Variants in SPECC1 observed in about 807,000 individuals in gnomAD.
SPECC1 encodes cytospin-B.
In SPECC1, 62 loss-of-function variants were observed where a neutral mutation model predicts 104.1. That is an observed-to-expected ratio of 0.60 (90% CI 0.49 to 0.74). The LOEUF (loss-of-function observed/expected upper bound fraction) is 0.74. Among genes scored for constraint, SPECC1 ranks in the 30% least tolerant of loss-of-function variants. SPECC1 has a pLI of 0.00. For synonymous variants in SPECC1, 513 were observed against 501.6 expected, an observed-to-expected ratio of 1.02 and a Z score of -0.30; for missense variants, 1,306 against 1,310.5, an observed-to-expected ratio of 1.00 and a Z score of 0.05.
At chr17:20,092,897 C>T (rs1460828446) in intron 1 of SPECC1, among the ~76,000 whole-genome samples, 1 of 152,102 alleles carries the variant, frequency 6.6e-6, no homozygotes, top group East Asian at 1.9e-4. Flanking sequence ...TGATCTATAG[C>T]CTTGGTGCTC....
chr17:20,227,283 T>G, intron 4 of SPECC1, 130 bp from the exon 5 acceptor site: 1 of 754,940 alleles, frequency 1.3e-6, no homozygotes, highest in Non-Finnish European at 2.2e-6. Context: ...TATTTTAGAT[T>G]GAAGAGGTTC....
intron 12 of SPECC1, among the ~76,000 whole-genome samples, chr17:20,296,706 G>T (rs1199350536): frequency 6.6e-6 from 1 of 152,166 alleles, no homozygotes; most frequent in Non-Finnish European, 1.5e-5. Context: ...TTGAGCAGTT[G>T]TTTGTAGTTC....
intron 1 of SPECC1, among the ~76,000 whole-genome samples, chr17:20,062,995 G>A (rs867219849): frequency 4.6e-5 from 7 of 151,958 alleles, no homozygotes; most frequent in Non-Finnish European, 8.8e-5. Context: ...GCCAAGAAAC[G>A]CATTCTTATA....
chr17:20,077,932 C>T (rs988244081), intron 1 of SPECC1, among the ~76,000 whole-genome samples: 1 of 151,840 alleles, frequency 6.6e-6, no homozygotes, highest in Non-Finnish European at 1.5e-5. Context: ...ATAATAGTTT[C>T]TATTCCATAG....
At chr17:20,244,215 C>T (rs1036062650) in intron 7 of SPECC1, among the ~76,000 whole-genome samples, 4 of 152,072 alleles carry the variant, frequency 2.6e-5, no homozygotes, top group Admixed American at 2.0e-4. Flanking sequence ...GGCGACAGAG[C>T]GAGACTCTGT....
At chr17:20,124,164 T>C (rs1370307232) in intron 3 of SPECC1, among the ~76,000 whole-genome samples, 2 of 150,540 alleles carry the variant, frequency 1.3e-5, no homozygotes, top group Admixed American at 1.3e-4. Flanking sequence ...GATGTGTAGA[T>C]GGCAACAGGG....
At position 20,315,167 on chromosome 17, in the gene SPECC1, G is replaced by T. The variant is rs1391993566; in HGVS notation, c.*1102G>T. The T allele has an allele frequency of 4.3e-6, 1 of 232,976 alleles. No homozygotes were observed. Among genetic ancestry groups the T allele is most frequent in the Non-Finnish European group, 8.5e-6 (1 of 117,992 alleles). 14.4% of individuals were successfully genotyped at this position (232,976 alleles called of 1,614,324 possible). On this transcript the variant is annotated 3_prime_UTR_variant, in exon 15 of 15. Coordinates refer to ENST00000395527, the MANE Select transcript of SPECC1 (RefSeq NM_001243439.2). The stretch of plus-strand genomic sequence containing the variant: ...AGGGTGTGTGCCTCTGGGGATGCTG[G>T]GCTGACAGCAAATCCCAACAGTATT...
chr17:20,206,240 G>C (rs1201088335), intron 4 of SPECC1, among the ~76,000 whole-genome samples: 1 of 152,230 alleles, frequency 6.6e-6, no homozygotes, highest in African/African-American at 2.4e-5. Context: ...TAACGTGGGG[G>C]TTGGGCGTAG....
intron 3 of SPECC1, among the ~76,000 whole-genome samples, chr17:20,132,436 T>C (rs990612438): frequency 7.2e-5 from 11 of 152,144 alleles, no homozygotes; most frequent in Admixed American, 5.9e-4. Flanking sequence ...TCTTTTTTTC[T>C]GGAAGAAATT....
chr17:20,052,357 A>C (rs56208903), intron 1 of SPECC1, among the ~76,000 whole-genome samples: 10,756 of 152,258 alleles, frequency 0.071, 410 homozygotes, highest in Non-Finnish European at 0.081. Flanking sequence ...ACAGAAAAGG[A>C]ACTACATTTG....
chr17:20,214,908 A>G (rs1250255434), intron 4 of SPECC1, among the ~76,000 whole-genome samples: 2 of 152,230 alleles, frequency 1.3e-5, no homozygotes, highest in East Asian at 3.8e-4. Context: ...ATTTCAGCCT[A>G]TTCATAGATC....
At chr17:20,304,804 T>G (rs546308302) in intron 13 of SPECC1, among the ~76,000 whole-genome samples, 3 of 152,016 alleles carry the variant, frequency 2.0e-5, no homozygotes, top group African/African-American at 7.2e-5. Context: ...TGAGAAACTG[T>G]GCGAGGAAGC....
chr17:20,256,757 G>A (rs1353986581), intron 10 of SPECC1, among the ~76,000 whole-genome samples: 1 of 152,176 alleles, frequency 6.6e-6, no homozygotes, highest in Non-Finnish European at 1.5e-5. Context: ...GCACTTTCCT[G>A]TAGTCCCAGC....
chr17:20,116,775 C>G (rs991901706), intron 3 of SPECC1, among the ~76,000 whole-genome samples: 1 of 145,584 alleles, frequency 6.9e-6, no homozygotes, highest in South Asian at 2.2e-4. Context: ...CAGTTCCAAC[C>G]CAGGGAACAA....
At chr17:20,104,314 T>C (rs577883633) in intron 2 of SPECC1, among the ~76,000 whole-genome samples, 1 of 152,346 alleles carries the variant, frequency 6.6e-6, no homozygotes, top group African/African-American at 2.4e-5. Context: ...TTTTGTATTC[T>C]CTGCTGTTTG....
intron 1 of SPECC1, among the ~76,000 whole-genome samples, chr17:20,052,828 A>C (rs1597619921): frequency 6.6e-6 from 1 of 152,342 alleles, no homozygotes. Context: ...CAAAAAGAGA[A>C]GGTAGGAAGG....
chr17:20,034,131 C>G (rs928234384), intron 1 of SPECC1, among the ~76,000 whole-genome samples: 5 of 150,576 alleles, frequency 3.3e-5, no homozygotes, highest in African/African-American at 1.2e-4. Context: ...GAGTCTCGCT[C>G]TGTCACCCAA....
At chr17:20,160,325 G>T (rs1240338379) in intron 3 of SPECC1, among the ~76,000 whole-genome samples, 1 of 152,116 alleles carries the variant, frequency 6.6e-6, no homozygotes, top group Non-Finnish European at 1.5e-5. Flanking sequence ...CCCTGAATCT[G>T]CCAGCAGTCG....
intron 2 of SPECC1, among the ~76,000 whole-genome samples, chr17:20,099,717 AAAAC>A (rs1441867590): frequency 6.0e-5 from 9 of 149,094 alleles, no homozygotes; most frequent in African/African-American, 1.5e-4. Flanking sequence ...AAAAAAAAAA[AAAAC>A]CCACAAAATA....
Sources: gnomAD v4.1 joint callset for allele counts (sites outside exome capture counted in the v4.1 genomes callset) on GRCh38, gnomAD v4.1.1 for gene constraint, MANE v1.5 for transcripts, NCBI Gene and HGNC (gene_info 2026-07-23, HGNC 2026-07-21) for gene names.